CCDC169: variants seen among roughly 807,000 people sequenced by gnomAD.
CCDC169 encodes coiled-coil domain containing 169, also known as coiled-coil domain-containing protein 169.
In CCDC169, 30 loss-of-function variants were observed where a neutral mutation model predicts 36.0. The observed-to-expected ratio is 0.83, with a 90% confidence interval of 0.62 to 1.13. CCDC169 has a LOEUF of 1.13. Among genes scored for constraint, CCDC169 ranks in the 50% most tolerant of loss-of-function variants. The pLI is 0.00. For synonymous variants in CCDC169, 85 were observed against 81.5 expected (o/e 1.04, Z -0.23); for missense variants, 245 against 245.9 (o/e 1.00, Z 0.03).
intron 4 of CCDC169, among the ~76,000 whole-genome samples, chr13:36,278,301 T>A (rs1010264723): frequency 6.6e-6 from 1 of 152,194 alleles, no homozygotes; most frequent in African/African-American, 2.4e-5. Context: ...AAATTAAGCC[T>A]CAGAGAGATG....
chr13:36,232,308 T>C (rs915456080), intron 7 of CCDC169, among the ~76,000 whole-genome samples: 3 of 152,222 alleles, frequency 2.0e-5, no homozygotes, highest in African/African-American at 7.2e-5. Context: ...TTAAACAGTC[T>C]GGTGATTACT....
chr13:36,295,950 T>C (rs539087315), intron 1 of CCDC169, 93 bp from the exon 2 acceptor site: 25 of 692,322 alleles, frequency 3.6e-5, no homozygotes, highest in Non-Finnish European at 5.8e-5. Context: ...TCAGGAACAA[T>C]TTACTATGAC....
intron 4 of CCDC169, chr13:36,274,615 A>G (rs1876528727): frequency 6.6e-6 from 1 of 152,206 alleles, no homozygotes; most frequent in Admixed American, 6.5e-5. Context: ...AGCTAATTCT[A>G]TTATCATAAA....
In CCDC169 at chr13:36,254,223, T is replaced by C. The variant is rs527920559; in HGVS notation, c.316-80A>G. 130 of 952,906 alleles carry C rather than the reference T, an allele frequency of 1.4e-4. No individual in the cohort carries two copies. In the South Asian group the frequency reaches 2.3e-3, roughly 17 times the overall value. 59.0% of individuals were successfully genotyped at this position (952,906 alleles called of 1,614,324 possible). A position where few individuals can be genotyped will look rare whatever the true frequency, so the allele number is the denominator to read the frequency against. ...AAATGACCATCAATTTCTTCACTAG[T>C]AAATGCCTTGTATACCTAATATTTT... On this transcript the variant is annotated intron_variant, in intron 4 of 7. Coordinates refer to ENST00000239859, the MANE Select transcript of CCDC169 (RefSeq NM_001144981.3).
At chr13:36,288,109 C>T (rs951855929) in intron 2 of CCDC169, among the ~76,000 whole-genome samples, 9 of 151,924 alleles carry the variant, frequency 5.9e-5, no homozygotes, top group Non-Finnish European at 7.4e-5. Flanking sequence ...CCCTGATTCA[C>T]GCCATTCTTC....
At chr13:36,252,224 A>G (rs546864004) in intron 6 of CCDC169, among the ~76,000 whole-genome samples, 1 of 152,354 alleles carries the variant, frequency 6.6e-6, no homozygotes, top group South Asian at 2.1e-4. Flanking sequence ...GTGATCTAGG[A>G]GGAACCAGTG....
chr13:36,241,661 C>T (rs1183563327), intron 7 of CCDC169, among the ~76,000 whole-genome samples: 1 of 152,110 alleles, frequency 6.6e-6, no homozygotes, highest in African/African-American at 2.4e-5. Context: ...CAGTTTTGAA[C>T]TGTCAAGAAT....
chr13:36,250,701 A>T (rs1873045333), intron 6 of CCDC169, among the ~76,000 whole-genome samples: 1 of 152,108 alleles, frequency 6.6e-6, no homozygotes, highest in Admixed American at 6.6e-5. Context: ...ACAAAACAAA[A>T]ACCTATGGGA....
At chr13:36,223,803 T>C (rs535490866), downstream of CCDC169, 15 of 152,276 alleles carry the variant, frequency 9.9e-5, no homozygotes, top group Admixed American at 5.2e-4. Context: ...GTACATAGTA[T>C]AGAAGTCTAG....
At chr13:36,240,392 G>A (rs1182780955) in intron 7 of CCDC169, among the ~76,000 whole-genome samples, 18 of 151,878 alleles carry the variant, frequency 1.2e-4, no homozygotes, top group Admixed American at 9.8e-4. Flanking sequence ...ATAGGTAAGC[G>A]TTTTTCTATG....
intron 4 of CCDC169, among the ~76,000 whole-genome samples, chr13:36,270,552 G>A (rs955297260): frequency 1.3e-5 from 2 of 152,092 alleles, no homozygotes; most frequent in African/African-American, 4.8e-5. Flanking sequence ...AAAACAGCAT[G>A]GTACTGGTAT....
At chr13:36,285,128 A>T (rs1425948110) in intron 2 of CCDC169, among the ~76,000 whole-genome samples, 2 of 152,214 alleles carry the variant, frequency 1.3e-5, no homozygotes, top group African/African-American at 4.8e-5. Flanking sequence ...CAAGATGAGA[A>T]TGGTTACCAA....
chr13:36,275,206 CA>C (rs201969132), intron 4 of CCDC169, among the ~76,000 whole-genome samples: 20 of 146,144 alleles, frequency 1.4e-4, no homozygotes, highest in Non-Finnish European at 2.9e-4. Flanking sequence ...AACAAACACA[CA>C]AAAAAAAAGT....
intron 4 of CCDC169, among the ~76,000 whole-genome samples, chr13:36,262,678 A>T (rs1254253668): frequency 1.3e-5 from 2 of 152,194 alleles, no homozygotes; most frequent in Non-Finnish European, 2.9e-5. Context: ...TAGCATCTTT[A>T]AAGAATGATT....
At chr13:36,271,705 T>G (rs1876083916) in intron 4 of CCDC169, among the ~76,000 whole-genome samples, 1 of 152,112 alleles carries the variant, frequency 6.6e-6, no homozygotes, top group Admixed American at 6.5e-5. Flanking sequence ...GGAGCTTTAC[T>G]GAGTATGCAG....
chr13:36,246,737 C>A (rs1321844842), intron 7 of CCDC169, among the ~76,000 whole-genome samples: 1 of 152,208 alleles, frequency 6.6e-6, no homozygotes, highest in East Asian at 1.9e-4. Context: ...CACTAACCAA[C>A]AGATTTTCAA....
At chr13:36,246,889 A>T (rs187780104) in intron 7 of CCDC169, among the ~76,000 whole-genome samples, 3 of 152,292 alleles carry the variant, frequency 2.0e-5, no homozygotes, top group Non-Finnish European at 2.9e-5. Flanking sequence ...CTTTTAAAAA[A>T]ATATATATGG....
chr13:36,275,116 C>T (rs1359233385), intron 4 of CCDC169, among the ~76,000 whole-genome samples: 2 of 151,998 alleles, frequency 1.3e-5, no homozygotes, highest in Non-Finnish European at 2.9e-5. Context: ...ATCCGCCCGC[C>T]TCGGCCTCCC....
Position 36,233,535 on chromosome 13 carries a change from A to T in CCDC169, c.546-2243T>A, listed in dbSNP as rs1593988705. Among the ~76,000 whole-genome samples, 4 of 114,342 alleles carry T rather than the reference A, an allele frequency of 3.5e-5. No individual in the cohort carries two copies. In the South Asian group the frequency reaches 1.2e-3, roughly 34 times the overall value. The allele number at this position is 114,342 out of a possible 152,430, so 75.0% of individuals were successfully genotyped here. A position where few individuals can be genotyped will look rare whatever the true frequency, so the allele number is the denominator to read the frequency against. ...TTTAAATCTACTATTTTAAAGAACT[A>T]AAGGAAATCATATCTATAGAGGAAA... On this transcript the variant is annotated intron_variant, in intron 7 of 7. Coordinates refer to ENST00000239859, the MANE Select transcript of CCDC169 (RefSeq NM_001144981.3).
Sources: allele counts gnomAD v4.1 joint callset (sites outside exome capture counted in the v4.1 genomes callset), GRCh38; gene constraint gnomAD v4.1.1; transcripts MANE v1.5; gene names NCBI Gene and HGNC (gene_info 2026-07-23, HGNC 2026-07-21).